CENPW: variants seen among roughly 807,000 people sequenced by gnomAD.
The protein encoded by CENPW is cancer-up-regulated gene 2 protein.
CENPW carries 3 observed loss-of-function variants against 11.1 expected under a neutral mutation model. That is an observed-to-expected ratio of 0.27 (90% CI 0.12 to 0.70). The LOEUF (loss-of-function observed/expected upper bound fraction) is 0.70, where lower values mean the gene tolerates loss of function less well. Ranked by LOEUF, CENPW falls within the 30% of genes least tolerant of loss-of-function variation. The pLI is 0.77. For missense variants in CENPW, 100 were observed against 105.6 expected, an observed-to-expected ratio of 0.95 and a Z score of 0.23; for synonymous variants, 38 against 42.0, an observed-to-expected ratio of 0.91 and a Z score of 0.37.
the CENPW span, among the ~76,000 whole-genome samples, chr6:126,359,757 CTT>C: frequency 2.0e-4 from 27 of 137,740 alleles, no homozygotes; most frequent in Admixed American, 2.1e-4. Flanking sequence ...TTTTTCTTTT[CTT>C]TTTTTTTTTT....
the CENPW span, among the ~76,000 whole-genome samples, chr6:126,364,301 A>G: frequency 9.2e-5 from 14 of 152,188 alleles, no homozygotes; most frequent in Non-Finnish European, 1.8e-4. Context: ...GTTCAAAGGA[A>G]CAGAAACCTG....
intron 1 of CENPW, among the ~76,000 whole-genome samples, chr6:126,341,834 G>C (rs1229308421): frequency 2.0e-5 from 3 of 152,318 alleles, no homozygotes; most frequent in East Asian, 1.9e-4. Context: ...TCCTCAGGTA[G>C]TCAGCATCCT....
chr6:126,358,249 A>C, the CENPW span, among the ~76,000 whole-genome samples: 1 of 152,078 alleles, frequency 6.6e-6, no homozygotes, highest in South Asian at 2.1e-4. Flanking sequence ...TATGTTAAAT[A>C]GGAGTGGTTA....
chr6:126,400,155 G>C, the CENPW span, among the ~76,000 whole-genome samples: 1 of 151,968 alleles, frequency 6.6e-6, no homozygotes. Context: ...ATTTATATTA[G>C]AGTGAGTAAC....
the CENPW span, among the ~76,000 whole-genome samples, chr6:126,372,378 T>G: frequency 6.6e-6 from 1 of 152,200 alleles, no homozygotes; most frequent in African/African-American, 2.4e-5. Flanking sequence ...TGTTTATAGT[T>G]TCAGGTTCTA....
At chr6:126,428,267 G>T in the CENPW span, among the ~76,000 whole-genome samples, 2 of 152,172 alleles carry the variant, frequency 1.3e-5, no homozygotes, top group East Asian at 3.9e-4. Context: ...TAAACTACAG[G>T]ACTTCTTAAA....
chr6:126,469,763 C>T, the CENPW span, among the ~76,000 whole-genome samples: 33 of 152,248 alleles, frequency 2.2e-4, 1 homozygote, highest in South Asian at 8.3e-4. Context: ...ATTCTTGCTA[C>T]GCTTTAGCAA....
chr6:126,365,653 C>T, the CENPW span, among the ~76,000 whole-genome samples: 1 of 152,072 alleles, frequency 6.6e-6, no homozygotes, highest in Non-Finnish European at 1.5e-5. Flanking sequence ...CCATAGCAAC[C>T]ACTATTAGGA....
chr6:126,447,154 C>A, the CENPW span, among the ~76,000 whole-genome samples: 1 of 151,136 alleles, frequency 6.6e-6, no homozygotes, highest in Non-Finnish European at 1.5e-5. Flanking sequence ...CTTAAAAATA[C>A]AGAGGCTTAG....
At chr6:126,466,209 G>A in the CENPW span, among the ~76,000 whole-genome samples, 301 of 152,238 alleles carry the variant, frequency 2.0e-3, 1 homozygote, top group Admixed American at 4.1e-3. Flanking sequence ...TTCCAAAATG[G>A]AATGTATAAT....
the CENPW span, among the ~76,000 whole-genome samples, chr6:126,398,826 C>A: frequency 9.3e-5 from 14 of 151,136 alleles, no homozygotes; most frequent in Admixed American, 2.7e-4. Context: ...CCTCTAACAT[C>A]TAGTATCCCC....
At chr6:126,345,692 A>G (rs908215735) in intron 1 of CENPW, among the ~76,000 whole-genome samples, 25 of 151,808 alleles carry the variant, frequency 1.6e-4, no homozygotes, top group African/African-American at 5.6e-4. Flanking sequence ...ACCTTTGTAC[A>G]TACACTTTTC....
the CENPW span, among the ~76,000 whole-genome samples, chr6:126,442,380 A>C: frequency 6.6e-6 from 1 of 151,424 alleles, no homozygotes; most frequent in Non-Finnish European, 1.5e-5. Flanking sequence ...ACATAATTAC[A>C]CTAAAAAGCT....
At chr6:126,401,948 T>C in the CENPW span, among the ~76,000 whole-genome samples, 7 of 152,160 alleles carry the variant, frequency 4.6e-5, no homozygotes, top group Non-Finnish European at 1.0e-4. Flanking sequence ...CTTAGCATTT[T>C]ATATGCATCC....
chr6:126,371,032 G>T, the CENPW span, among the ~76,000 whole-genome samples: 11 of 152,224 alleles, frequency 7.2e-5, no homozygotes, highest in Non-Finnish European at 1.2e-4. Context: ...CTCCCAAAGT[G>T]CTGGGATTAT....
At chr6:126,469,442 C>G in the CENPW span, among the ~76,000 whole-genome samples, 1 of 152,184 alleles carries the variant, frequency 6.6e-6, no homozygotes, top group African/African-American at 2.4e-5. Flanking sequence ...TATAAATTAT[C>G]CAGTCTCAAG....
chr6:126,452,955 G>A, the CENPW span, among the ~76,000 whole-genome samples: 1 of 151,062 alleles, frequency 6.6e-6, no homozygotes, highest in South Asian at 2.1e-4. Context: ...ACACATGACA[G>A]GCCATAAAGA....
the CENPW span, among the ~76,000 whole-genome samples, chr6:126,477,837 A>G: frequency 6.6e-6 from 1 of 152,038 alleles, no homozygotes; most frequent in Non-Finnish European, 1.5e-5. Context: ...AGGTTCTAGA[A>G]CATGTCCTGT....
At chr6:126,466,333 T>C in the CENPW span, among the ~76,000 whole-genome samples, 1 of 152,144 alleles carries the variant, frequency 6.6e-6, no homozygotes, top group African/African-American at 2.4e-5. Context: ...AAGGAAACTG[T>C]ATATAAGCAC....
Sources: allele counts gnomAD v4.1 joint callset (sites outside exome capture counted in the v4.1 genomes callset), GRCh38; gene constraint gnomAD v4.1.1; transcripts MANE v1.5; gene names NCBI Gene and HGNC (gene_info 2026-07-23, HGNC 2026-07-21).